The following C4orf51 variants were observed in gnomAD, a reference collection of about 807,000 sequenced individuals.
C4orf51 encodes the protein uncharacterized protein C4orf51.
C4orf51 carries 25 observed loss-of-function variants against 25.2 expected under a neutral mutation model. The observed-to-expected ratio is 0.99, with a 90% CI of 0.72 to 1.39. The LOEUF (loss-of-function observed/expected upper bound fraction) is 1.39, where lower values mean the gene tolerates loss of function less well. Among genes scored for constraint, C4orf51 ranks in the 40% most tolerant of loss-of-function variants. C4orf51 has a pLI of 0.00. For synonymous variants in C4orf51, 100 were observed against 84.5 expected (o/e 1.18, Z -1.01); for missense variants, 252 against 239.6 (o/e 1.05, Z -0.34).
downstream of C4orf51, among the ~76,000 whole-genome samples, chr4:145,734,364 C>T (rs550022107): frequency 1.6e-5 from 2 of 128,328 alleles, no homozygotes; most frequent in Admixed American, 1.7e-4. Flanking sequence ...GGAGGGGCTT[C>T]GGGAAGGTCA....
At chr4:145,753,512 G>A (rs56379698) in intron 1 of C4orf51, among the ~76,000 whole-genome samples, 29,187 of 152,016 alleles carry the variant, frequency 0.19, 3,784 homozygotes, top group East Asian at 0.67. Context: ...AAACCCCTAT[G>A]CTGAATATTT....
At chr4:145,689,258 A>G (rs1251682823) in intron 1 of C4orf51, among the ~76,000 whole-genome samples, 1 of 152,228 alleles carries the variant, frequency 6.6e-6, no homozygotes, top group Non-Finnish European at 1.5e-5. Flanking sequence ...CCAGAAGGAA[A>G]AAGTTAGATA....
At position 145,762,094 on chromosome 4, in the gene C4orf51, C is replaced by T. The variant is rs377683659; in HGVS notation, n.167-8894C>T. 1.3e-5 allele frequency among the ~76,000 whole-genome samples: 2 copies of T among 152,140 alleles called. No homozygotes were observed. The highest frequency in any genetic ancestry group is 2.9e-5 in the Non-Finnish European group (2 of 68,022). ...TTTAAAGAACAGCTTATAGGGGGAG[C>T]GCTACCTCCAGCAAACAGAAAGTCA... On this transcript the variant is annotated intron_variant and non_coding_transcript_variant, in intron 1 of 1. Transcript: ENST00000510096. The surrounding 1 kb of genome is among the most constrained non-coding windows in gnomAD (Gnocchi z 4.9).
At chr4:145,750,236 A>AT (rs1187560852) in intron 1 of C4orf51, among the ~76,000 whole-genome samples, 4 of 151,494 alleles carry the variant, frequency 2.6e-5, no homozygotes, top group Non-Finnish European at 5.9e-5. Context: ...CCTTCAGATG[A>AT]TTTTTTTTAT....
intron 1 of C4orf51, among the ~76,000 whole-genome samples, chr4:145,682,277 C>T (rs1275671367): frequency 1.3e-5 from 2 of 152,122 alleles, no homozygotes; most frequent in Non-Finnish European, 2.9e-5. Context: ...TAAGAAGAAG[C>T]AAGTGTTATA....
At chr4:145,731,061 GT>G in intron 5 of C4orf51, among the ~76,000 whole-genome samples, 1 of 152,306 alleles carries the variant, frequency 6.6e-6, no homozygotes, top group Middle Eastern at 3.4e-3. Flanking sequence ...TCCCCTGAAA[GT>G]TATATTGTGT....
intron 5 of C4orf51, 108 bp from the exon 6 acceptor site, chr4:145,732,345 T>C (rs1296426085): frequency 1.5e-6 from 1 of 664,216 alleles, no homozygotes; most frequent in Non-Finnish European, 2.7e-6. Flanking sequence ...TCCCATCTCC[T>C]GCTCATGAAT....
At chr4:145,683,985 A>C (rs1419605648) in intron 1 of C4orf51, among the ~76,000 whole-genome samples, 1 of 152,252 alleles carries the variant, frequency 6.6e-6, no homozygotes, top group Non-Finnish European at 1.5e-5. Flanking sequence ...GGAAGGAAAT[A>C]TTTGCAAAGG....
intron 3 of C4orf51, 111 bp from the exon 4 acceptor site, chr4:145,729,058 G>A (rs1732271530): frequency 1.3e-6 from 1 of 764,244 alleles, no homozygotes; most frequent in Non-Finnish European, 2.2e-6. Context: ...AGCAGTATCA[G>A]TGCTTTCTGA....
intron 1 of C4orf51, among the ~76,000 whole-genome samples, chr4:145,743,236 A>C (rs1733193287): frequency 6.6e-6 from 1 of 152,138 alleles, no homozygotes; most frequent in Non-Finnish European, 1.5e-5. Flanking sequence ...GTGTTGCTGT[A>C]ACAAAATACC....
chr4:145,715,305 T>A (rs1205054634), intron 2 of C4orf51, among the ~76,000 whole-genome samples: 2 of 152,160 alleles, frequency 1.3e-5, no homozygotes, highest in East Asian at 3.9e-4. Context: ...CTCTTCCCTG[T>A]TTGCAGCCTC....
the C4orf51 span, among the ~76,000 whole-genome samples, chr4:145,778,096 A>G: frequency 6.6e-6 from 1 of 152,142 alleles, no homozygotes; most frequent in Non-Finnish European, 1.5e-5. Context: ...AAAAGACACC[A>G]GTTTGGGCAG....
intron 2 of C4orf51, among the ~76,000 whole-genome samples, chr4:145,710,730 T>G: frequency 6.6e-6 from 1 of 152,040 alleles, no homozygotes; most frequent in East Asian, 1.9e-4. Flanking sequence ...ATTATTATTT[T>G]AGAGAGACAG....
At chr4:145,741,658 C>T (rs1401779552) in intron 1 of C4orf51, among the ~76,000 whole-genome samples, 1 of 151,912 alleles carries the variant, frequency 6.6e-6, no homozygotes, top group East Asian at 1.9e-4. Flanking sequence ...GGTCTTTTGG[C>T]GAGAGCTAGG....
chr4:145,682,588 T>A (rs1264646974), intron 1 of C4orf51, among the ~76,000 whole-genome samples: 1 of 152,242 alleles, frequency 6.6e-6, no homozygotes, highest in African/African-American at 2.4e-5. Context: ...ACACTTTTTA[T>A]TCATCTTATT....
At chr4:145,688,338 G>C (rs1259930843) in intron 1 of C4orf51, among the ~76,000 whole-genome samples, 1 of 152,090 alleles carries the variant, frequency 6.6e-6, no homozygotes, top group African/African-American at 2.4e-5. Flanking sequence ...AATCTAAAAG[G>C]AGATACAAAC....
chr4:145,695,568 G>A (rs1729997330), intron 1 of C4orf51, among the ~76,000 whole-genome samples: 1 of 151,430 alleles, frequency 6.6e-6, no homozygotes, highest in African/African-American at 2.5e-5. Flanking sequence ...TCTGTAGGTT[G>A]TCTGTTTCTT....
chr4:145,720,295 C>G (rs1731658614), intron 2 of C4orf51, among the ~76,000 whole-genome samples: 1 of 152,180 alleles, frequency 6.6e-6, no homozygotes, highest in East Asian at 1.9e-4. Context: ...CAGCTTTTCC[C>G]AGCAGAGGAA....
the C4orf51 span, among the ~76,000 whole-genome samples, chr4:145,786,218 T>C: frequency 6.6e-6 from 1 of 152,180 alleles, no homozygotes; most frequent in Admixed American, 6.5e-5. Context: ...TTTGACCCTA[T>C]ATTTGGTGTA....
Sources: allele counts gnomAD v4.1 joint callset (sites outside exome capture counted in the v4.1 genomes callset), GRCh38; gene constraint gnomAD v4.1.1; non-coding constraint Gnocchi (gnomAD v3.1); transcripts MANE v1.5; gene names NCBI Gene and HGNC (gene_info 2026-07-23, HGNC 2026-07-21).